Variants in LINGO1 observed in about 807,000 individuals in gnomAD.
The protein encoded by LINGO1 is leucine-rich repeat and immunoglobulin-like domain-containing nogo receptor-interacting protein 1.
In LINGO1, 11 loss-of-function variants were observed where a neutral mutation model predicts 37.3. The observed-to-expected ratio is 0.29, with a 90% CI of 0.19 to 0.49. The LOEUF (loss-of-function observed/expected upper bound fraction) is 0.49, where lower values mean the gene tolerates loss of function less well. Ranked by LOEUF, LINGO1 falls within the 20% of genes least tolerant of loss-of-function variation. The probability of loss-of-function intolerance (pLI) is 0.99; values close to 1 mark genes in which losing one functional copy is unlikely to be tolerated. For missense variants in LINGO1, 585 were observed against 878.2 expected (o/e 0.67, Z 4.22); for synonymous variants, 387 against 403.0 (o/e 0.96, Z 0.48).
rs146887705 is a variant in LINGO1, at chr15:77,782,111, T to C, written c.-257+4758A>G. The stretch of plus-strand genomic sequence containing the variant: ...TGGGGAAAATTATGTTCCCGTGCTC[T>C]ATTATACAGAACAGAAGGAACATTT... On this transcript the variant is annotated intron_variant, in intron 1 of 3. Coordinates refer to the LINGO1 transcript ENST00000561686. Among the ~76,000 whole-genome samples, 55 of 152,366 alleles carry C rather than the reference T, an allele frequency of 3.6e-4. 1 individual carries two copies. The East Asian group carries it at 6.6e-3, about 18-fold the overall frequency.
intron 2 of LINGO1, among the ~76,000 whole-genome samples, chr15:77,684,935 G>C (rs993039565): frequency 1.3e-5 from 2 of 152,108 alleles, no homozygotes; most frequent in African/African-American, 4.8e-5. Context: ...TGCCCGGGGA[G>C]GGCTCTGGGT....
At chr15:77,664,170 T>TGTGTGTGTGTGCGCGCGCGCGCGC in intron 3 of LINGO1, among the ~76,000 whole-genome samples, 1 of 130,946 alleles carries the variant, frequency 7.6e-6, no homozygotes, top group African/African-American at 3.7e-5. Context: ...TGTGTGTGTG[T>TGTGTGTGTGTGCGCGCGCGCGCGC]GCGCGCGCGC....
chr15:77,636,341 G>T (rs2074395816), upstream of LINGO1, among the ~76,000 whole-genome samples: 1 of 152,198 alleles, frequency 6.6e-6, no homozygotes. Context: ...CAGCTCGCAG[G>T]GTTTTACGAT....
Position 77,613,642 on chromosome 15 carries a change from AG to A in LINGO1, c.*401del. On this transcript the variant is annotated 3_prime_UTR_variant, in exon 2 of 2. Transcript: ENST00000355300. ...GCCCTGGAGCAATCAGGACGTCAAA[AG>A]TTTGCATTCCGACTAGCTATAGGAA... The A allele has an allele frequency of 5.4e-6, 1 of 184,020 alleles. No homozygotes were observed. Among genetic ancestry groups the A allele is most frequent in the East Asian group, 1.3e-4 (1 of 7,434 alleles). 11.4% of individuals were successfully genotyped at this position (184,020 alleles called of 1,614,324 possible).
At chr15:77,815,901 GC>G in intron 1 of LINGO1, among the ~76,000 whole-genome samples, 1 of 152,248 alleles carries the variant, frequency 6.6e-6, no homozygotes, top group East Asian at 1.9e-4. Context: ...CCTTCTCCAT[GC>G]CCCCATGTGA....
chr15:77,794,721 G>A (rs2076858698), intron 2 of LINGO1, among the ~76,000 whole-genome samples: 1 of 151,278 alleles, frequency 6.6e-6, no homozygotes, highest in South Asian at 2.1e-4. Flanking sequence ...CCGAGTAGCT[G>A]GGACTACAGG....
intron 1 of LINGO1, among the ~76,000 whole-genome samples, chr15:77,783,354 G>A (rs550078478): frequency 6.6e-6 from 1 of 152,190 alleles, no homozygotes; most frequent in African/African-American, 2.4e-5. Flanking sequence ...ATGAAGGTGT[G>A]AATGAAAGGG....
At chr15:77,794,025 C>G (rs1445807306) in intron 2 of LINGO1, among the ~76,000 whole-genome samples, 3 of 152,288 alleles carry the variant, frequency 2.0e-5, no homozygotes, top group African/African-American at 7.2e-5. Flanking sequence ...CCTGCGTCAG[C>G]TCCCGCCTGC....
chr15:77,777,046 C>T (rs773765348), intron 1 of LINGO1, among the ~76,000 whole-genome samples: 10 of 152,166 alleles, frequency 6.6e-5, no homozygotes, highest in Non-Finnish European at 1.3e-4. Flanking sequence ...ATCTCAGTCC[C>T]GTGCCAGGGC....
intron 1 of LINGO1, among the ~76,000 whole-genome samples, chr15:77,774,047 C>T (rs1039306254): frequency 3.3e-5 from 5 of 152,122 alleles, no homozygotes; most frequent in Non-Finnish European, 5.9e-5. Flanking sequence ...ACCCACTGCC[C>T]TCCTTGGCTG....
chr15:77,818,994 G>A (rs1415634874), intron 1 of LINGO1, among the ~76,000 whole-genome samples: 1 of 151,630 alleles, frequency 6.6e-6, no homozygotes, highest in Non-Finnish European at 1.5e-5. Context: ...CGCCCCAGGG[G>A]CTCCACAAAC....
At chr15:77,774,407 G>T (rs528360694) in intron 1 of LINGO1, among the ~76,000 whole-genome samples, 2 of 152,140 alleles carry the variant, frequency 1.3e-5, no homozygotes, top group Admixed American at 6.5e-5. Context: ...TCGAGAAGCA[G>T]CCCCCACCAA....
intron 1 of LINGO1, among the ~76,000 whole-genome samples, chr15:77,762,806 T>G (rs1473583754): frequency 1.3e-5 from 2 of 151,692 alleles, no homozygotes; most frequent in Non-Finnish European, 3.0e-5. Flanking sequence ...CACCCGTGCC[T>G]GCCAAGCAGC....
chr15:77,632,332 G>A lies in LINGO1; in HGVS notation c.-17C>T, dbSNP rs1261715408. 2.8e-6 allele frequency: 4 copies of A among 1,437,364 alleles called. No homozygotes were observed. The African/African-American group carries it at 5.9e-5, about 21-fold the overall frequency. The allele number at this position is 1,437,364 out of a possible 1,614,324, so 89.0% of individuals were successfully genotyped here. A position where few individuals can be genotyped will look rare whatever the true frequency, so the allele number is the denominator to read the frequency against. ...CACCTGCATCTCGGGCGCGCCTTCG[G>A]TCCGCTCGGCTCGGTCACCAATCGC... On this transcript the variant is annotated 5_prime_UTR_variant, in exon 1 of 2. Transcript: ENST00000355300. The surrounding 1 kb of genome is among the most constrained non-coding windows in gnomAD (Gnocchi z 6.0).
At chr15:77,742,303 C>T (rs1185013120) in intron 1 of LINGO1, among the ~76,000 whole-genome samples, 1 of 152,230 alleles carries the variant, frequency 6.6e-6, no homozygotes, top group Admixed American at 6.5e-5. Context: ...GCTCCCTGGC[C>T]TTCCTCCCCA....
At chr15:77,674,299 C>T (rs2075295266) in intron 3 of LINGO1, among the ~76,000 whole-genome samples, 1 of 152,196 alleles carries the variant, frequency 6.6e-6, no homozygotes, top group Admixed American at 6.5e-5. Context: ...TCCTCCATTG[C>T]CTCCTCCCTG....
At chr15:77,658,080 C>T (rs528901776) in intron 3 of LINGO1, among the ~76,000 whole-genome samples, 14 of 152,304 alleles carry the variant, frequency 9.2e-5, no homozygotes, top group Non-Finnish European at 1.6e-4. Context: ...TCTGGACCAA[C>T]GGCCTGGCCC....
intron 1 of LINGO1, among the ~76,000 whole-genome samples, chr15:77,625,835 A>G (rs2074071778): frequency 6.6e-6 from 1 of 152,154 alleles, no homozygotes; most frequent in South Asian, 2.1e-4. Flanking sequence ...TGGGGACCAC[A>G]AATTCCTCCC....
chr15:77,774,032 T>G lies in LINGO1; in HGVS notation c.-257+12837A>C, dbSNP rs149465249. 4.5e-3 allele frequency among the ~76,000 whole-genome samples: 686 copies of G among 152,128 alleles called. 6 individuals carry two copies. Among genetic ancestry groups the G allele is most frequent in the African/African-American group, 0.016 (661 of 41,474 alleles). On this transcript the variant is annotated intron_variant, in intron 1 of 3. Coordinates refer to the LINGO1 transcript ENST00000561686. ...TGCAAGTCCCCACATGGGGAGCCCCTACCCACCCACTGCCCTCCTTGGCTG... is the reference window on the plus strand; with the variant it reads ...TGCAAGTCCCCACATGGGGAGCCCCGACCCACCCACTGCCCTCCTTGGCTG...
Sources: allele counts gnomAD v4.1 joint callset (sites outside exome capture counted in the v4.1 genomes callset), GRCh38; gene constraint gnomAD v4.1.1; non-coding constraint Gnocchi (gnomAD v3.1); transcripts MANE v1.5; gene names NCBI Gene and HGNC (gene_info 2026-07-23, HGNC 2026-07-21).